AGMO: variants seen among roughly 807,000 people sequenced by gnomAD.
AGMO encodes the protein glyceryl-ether monooxygenase.
A neutral mutation model predicts 60.2 loss-of-function variants in AGMO; 75 were observed. The ratio of observed to expected loss-of-function variants is 1.25; its 90% CI spans 1.03 to 1.51. AGMO has a LOEUF of 1.51. Ranked by LOEUF, AGMO falls within the 40% of genes most tolerant of loss-of-function variation. The pLI, the probability that AGMO is intolerant of heterozygous loss-of-function variation, is 0.00. For missense variants in AGMO, 763 were observed against 525.5 expected (o/e 1.45, Z -4.42); for synonymous variants, 261 against 177.1 (o/e 1.47, Z -3.76).
chr7:15,285,193 C>T (rs1210256283), intron 12 of AGMO, among the ~76,000 whole-genome samples: 1 of 151,748 alleles, frequency 6.6e-6, no homozygotes. Context: ...ACTTTCACTA[C>T]TTCTATTCAA....
the AGMO span, among the ~76,000 whole-genome samples, chr7:15,162,005 C>G: frequency 6.6e-6 from 1 of 152,060 alleles, no homozygotes; most frequent in African/African-American, 2.4e-5. Context: ...GAGAAAGGGA[C>G]CTGGTGGTAG....
the AGMO span, among the ~76,000 whole-genome samples, chr7:15,135,592 T>C: frequency 6.6e-6 from 1 of 152,172 alleles, no homozygotes; most frequent in Non-Finnish European, 1.5e-5. Flanking sequence ...TAAATATTCA[T>C]TAATATAGTA....
chr7:15,385,799 A>G (rs1383025658), intron 9 of AGMO, among the ~76,000 whole-genome samples: 1 of 152,218 alleles, frequency 6.6e-6, no homozygotes, highest in Non-Finnish European at 1.5e-5. Context: ...ATATGTGCAA[A>G]TAATAAAGAG....
intron 4 of AGMO, among the ~76,000 whole-genome samples, chr7:15,423,555 T>C (rs574635839): frequency 6.6e-6 from 1 of 152,240 alleles, no homozygotes; most frequent in East Asian, 1.9e-4. Context: ...TGGGAGACCC[T>C]GGCACCCAGT....
intron 12 of AGMO, among the ~76,000 whole-genome samples, chr7:15,250,588 G>T (rs1448486639): frequency 6.7e-6 from 1 of 149,594 alleles, no homozygotes; most frequent in African/African-American, 2.5e-5. Context: ...CACACACTCT[G>T]GTTTATATCA....
chr7:15,497,348 G>A (rs1783259955), intron 3 of AGMO, among the ~76,000 whole-genome samples: 1 of 152,040 alleles, frequency 6.6e-6, no homozygotes, highest in South Asian at 2.1e-4. Flanking sequence ...TGTCCCCCAA[G>A]CCTCATTACT....
intron 12 of AGMO, among the ~76,000 whole-genome samples, chr7:15,245,112 C>T (rs1393071351): frequency 3.9e-5 from 6 of 152,108 alleles, no homozygotes; most frequent in African/African-American, 1.4e-4. Context: ...GAATGTATTC[C>T]AGATCACCTT....
chr7:15,351,194 T>TTTTA (rs1782231293), intron 12 of AGMO, among the ~76,000 whole-genome samples: 1 of 152,128 alleles, frequency 6.6e-6, no homozygotes, highest in Non-Finnish European at 1.5e-5. Flanking sequence ...AATGTCTGCA[T>TTTTA]AATGGGAAAG....
chr7:15,273,041 T>G lies in AGMO; in HGVS notation c.1264-71682A>C, dbSNP rs183600369. 4.9e-3 allele frequency among the ~76,000 whole-genome samples: 744 copies of G among 152,258 alleles called. 3 individuals are homozygous for G. Among genetic ancestry groups the G allele is most frequent in the African/African-American group, 0.016 (670 of 41,556 alleles). On this transcript the variant is annotated intron_variant, in intron 12 of 12. Transcript: ENST00000342526. ...TCTGGATATTAGCCCTTTGTCAGAT[T>G]AGTAGATTGCAAAAATTTTCTCCCA...
intron 12 of AGMO, among the ~76,000 whole-genome samples, chr7:15,236,816 C>T (rs1357566301): frequency 2.6e-5 from 4 of 151,892 alleles, no homozygotes; most frequent in African/African-American, 4.8e-5. Context: ...TTAAAAAGCT[C>T]ACCTGATACT....
the AGMO span, among the ~76,000 whole-genome samples, chr7:15,185,604 C>A: frequency 1.3e-5 from 2 of 152,136 alleles, no homozygotes; most frequent in East Asian, 3.9e-4. Flanking sequence ...GGAGGCAGTC[C>A]TGCTCACGGA....
At position 15,352,415 on chromosome 7, in the gene AGMO, G is replaced by C. The variant is rs371324080; in HGVS notation, c.1263+13099C>G. Among the ~76,000 whole-genome samples, 91 of 151,844 alleles carry C rather than the reference G, an allele frequency of 6.0e-4. 1 individual carries two copies. The South Asian group carries it at 0.018, about 31-fold the overall frequency. On this transcript the variant is annotated intron_variant, in intron 12 of 12. Transcript: ENST00000342526. ...CAAACTCACGTGCAAACCTCATCAA[G>C]GGCAGACATTTCTAATTGATTCCAG...
At chr7:15,198,456 A>G (rs980254429), downstream of AGMO, among the ~76,000 whole-genome samples, 3 of 152,228 alleles carry the variant, frequency 2.0e-5, no homozygotes, top group African/African-American at 7.2e-5. Flanking sequence ...AATAATGCAC[A>G]GAGGCCCTAG....
chr7:15,380,705 A>G (rs1318071210), intron 10 of AGMO, among the ~76,000 whole-genome samples: 2 of 152,188 alleles, frequency 1.3e-5, no homozygotes, highest in Non-Finnish European at 2.9e-5. Context: ...GGAACCAATA[A>G]AAGAGCCCGA....
In AGMO at chr7:15,431,036, C is replaced by T; in HGVS notation, c.482G>A (p.Arg161Lys). Reference sequence around the variant, plus strand: ...AGTATATATCTGGAGGACAGACTGTCTCAGTGCTGTGGATAAGTTATAGTC... The same window carrying T: ...AGTATATATCTGGAGGACAGACTGTTTCAGTGCTGTGGATAAGTTATAGTC... ...SEDYNLSTAL[R>K]QSVLQIYTSW... The change falls in exon 4 of 13, where the codon AGA (arginine) becomes AAA (lysine). Residue 161 changes from arginine to lysine, a missense_variant. Transcript: ENST00000342526. 6.2e-7 allele frequency: 1 copy of T among 1,607,332 alleles called. No individual in the cohort carries two copies. The highest frequency in any genetic ancestry group is 1.7e-4 in the Middle Eastern group (1 of 6,042).
chr7:15,365,670 T>G lies in AGMO; in HGVS notation c.1158-51A>C, dbSNP rs370925942. On this transcript the variant is annotated intron_variant, in intron 11 of 12. Transcript: ENST00000342526. The stretch of plus-strand genomic sequence containing the variant: ...ATTAGCTTTAAATATGCTCTTTATA[T>G]GTTCACATGTTATAATTAATATAAA... The G allele has an allele frequency of 7.7e-4, 919 of 1,200,296 alleles. 3 individuals are homozygous for G. Among genetic ancestry groups the G allele is most frequent in the Non-Finnish European group, 1.0e-3 (853 of 821,426 alleles). The allele number at this position is 1,200,296 out of a possible 1,614,324, so 74.4% of individuals were successfully genotyped here.
At chr7:15,371,868 T>G (rs1194520528) in intron 10 of AGMO, among the ~76,000 whole-genome samples, 2 of 152,080 alleles carry the variant, frequency 1.3e-5, no homozygotes, top group Non-Finnish European at 2.9e-5. Context: ...CCTCAAACTT[T>G]AAAATAAATT....
At chr7:15,346,419 AAT>A (rs907052586) in intron 12 of AGMO, among the ~76,000 whole-genome samples, 14 of 152,206 alleles carry the variant, frequency 9.2e-5, no homozygotes, top group East Asian at 1.9e-4. Context: ...CATTTAAACT[AAT>A]AGTGTTTCAC....
chr7:15,452,820 A>C (rs1021565123), intron 3 of AGMO, among the ~76,000 whole-genome samples: 4 of 152,234 alleles, frequency 2.6e-5, no homozygotes, highest in African/African-American at 9.6e-5. Flanking sequence ...CAAAAAGTGG[A>C]AACAACCCAA....
Sources: allele counts gnomAD v4.1 joint callset (sites outside exome capture counted in the v4.1 genomes callset), GRCh38; gene constraint gnomAD v4.1.1; transcripts MANE v1.5; gene names NCBI Gene and HGNC (gene_info 2026-07-23, HGNC 2026-07-21).